Variants in SPTSSA observed in about 807,000 individuals in gnomAD.
SPTSSA encodes serine palmitoyltransferase small subunit A, also known as small subunit of serine palmitoyltransferase A.
In SPTSSA, 8 loss-of-function variants were observed where a neutral mutation model predicts 9.1. The ratio of observed to expected loss-of-function variants is 0.88; its 90% CI spans 0.51 to 1.58. The LOEUF is 1.58. SPTSSA is among the 40% of genes most tolerant of loss of function. SPTSSA has a pLI of 0.00. For missense variants in SPTSSA, 100 were observed against 93.8 expected (o/e 1.07, Z -0.27); for synonymous variants, 42 against 37.7 (o/e 1.11, Z -0.41).
intron 1 of SPTSSA, among the ~76,000 whole-genome samples, chr14:34,443,194 AGG>A (rs796571795): frequency 0.48 from 6,967 of 14,488 alleles, 2,133 homozygotes; most frequent in Non-Finnish European, 0.56. Context: ...GTTTTCCTCT[AGG>A]GGGTGTGTGT....
chr14:34,460,455 C>T (rs1236334794), intron 1 of SPTSSA, among the ~76,000 whole-genome samples: 1 of 152,060 alleles, frequency 6.6e-6, no homozygotes, highest in African/African-American at 2.4e-5. Context: ...TTTATTTCTC[C>T]ATCCCCCAAA....
At chr14:34,453,387 G>C (rs77602214) in intron 1 of SPTSSA, among the ~76,000 whole-genome samples, 2,340 of 152,328 alleles carry the variant, frequency 0.015, 58 homozygotes, top group African/African-American at 0.052. Flanking sequence ...GGCACCTCCA[G>C]GGTAGCACAG....
chr14:34,443,035 G>A lies in SPTSSA; in HGVS notation c.113-7731C>T, dbSNP rs891688252. On this transcript the variant is annotated intron_variant, in intron 1 of 1. Transcript: ENST00000298130. ...GTGTGTGTTTGTGTGTGTGTTTTGA[G>A]ATGGAGTTTTCCTCTCATTACCCAG... Among the ~76,000 whole-genome samples, 10 of 141,986 alleles carry A rather than the reference G, an allele frequency of 7.0e-5. 1 individual carries two copies. In the East Asian group the frequency reaches 1.3e-3, roughly 18 times the overall value. 93.1% of individuals were successfully genotyped at this position (141,986 alleles called of 152,430 possible).
At chr14:34,446,365 CTCTTA>C (rs1883422742) in intron 1 of SPTSSA, among the ~76,000 whole-genome samples, 1 of 152,174 alleles carries the variant, frequency 6.6e-6, no homozygotes, top group South Asian at 2.1e-4. Flanking sequence ...TATCATGAAA[CTCTTA>C]TCTTTGAATA....
intron 1 of SPTSSA, among the ~76,000 whole-genome samples, chr14:34,456,082 G>C (rs2138834265): frequency 6.6e-6 from 1 of 152,220 alleles, no homozygotes; most frequent in African/African-American, 2.4e-5. Context: ...CCAGCACTTT[G>C]GGAGGCGGAG....
intron 1 of SPTSSA, among the ~76,000 whole-genome samples, chr14:34,450,361 G>C (rs532009970): frequency 4.2e-4 from 64 of 152,276 alleles, no homozygotes; most frequent in African/African-American, 1.5e-3. Context: ...GTTTGAAGAG[G>C]ACGTTTCAGT....
intron 1 of SPTSSA, among the ~76,000 whole-genome samples, chr14:34,445,492 C>G (rs763608058): frequency 6.6e-6 from 1 of 152,100 alleles, no homozygotes; most frequent in Non-Finnish European, 1.5e-5. Flanking sequence ...CAGAGCAAGA[C>G]TCTGTCTCAA....
At chr14:34,461,526 T>C (rs1878614786) in intron 1 of SPTSSA, among the ~76,000 whole-genome samples, 1 of 152,162 alleles carries the variant, frequency 6.6e-6, no homozygotes, top group African/African-American at 2.4e-5. Flanking sequence ...AAATACACTT[T>C]TAAAACTCCC....
chr14:34,455,789 G>A (rs550424578), intron 1 of SPTSSA, among the ~76,000 whole-genome samples: 38 of 151,746 alleles, frequency 2.5e-4, no homozygotes, highest in South Asian at 1.3e-3. Context: ...AAAATTACCT[G>A]GGCATGGTGG....
At chr14:34,435,497 GGTTTT>G (rs972069120) in intron 1 of SPTSSA, among the ~76,000 whole-genome samples, 193 bp from the exon 2 acceptor site, 1 of 151,484 alleles carries the variant, frequency 6.6e-6, no homozygotes, top group African/African-American at 2.4e-5. Flanking sequence ...ACTCTAAGCT[GGTTTT>G]GTTTTATTTT....
rs34773522 is a variant in SPTSSA, at chr14:34,444,751, C to CAA, written c.113-9449_113-9448dup. 7.6e-3 allele frequency among the ~76,000 whole-genome samples: 1,029 copies of CAA among 135,524 alleles called. 9 individuals are homozygous for CAA. Among genetic ancestry groups the CAA allele is most frequent in the African/African-American group, 0.024 (933 of 38,246 alleles). 88.9% of individuals were successfully genotyped at this position (135,524 alleles called of 152,430 possible). A position where few individuals can be genotyped will look rare whatever the true frequency, so the allele number is the denominator to read the frequency against. On this transcript the variant is annotated intron_variant, in intron 1 of 1. Transcript: ENST00000298130. Reference sequence around the variant, plus strand: ...TGGGCCACAGGGCAAGACTCTGCCTCAAAAAAAAAAAAAATTGCTAAGAGT... The same window carrying CAA: ...TGGGCCACAGGGCAAGACTCTGCCTCAAAAAAAAAAAAAAAATTGCTAAGAGT...
chr14:34,445,513 A>AAATAC (rs1883405875), intron 1 of SPTSSA, among the ~76,000 whole-genome samples: 1 of 146,506 alleles, frequency 6.8e-6, no homozygotes. Context: ...AAAAATAAAT[A>AAATAC]AATAAAATAA....
At chr14:34,442,983 TGA>T (rs1555314339) in intron 1 of SPTSSA, among the ~76,000 whole-genome samples, 7 of 148,338 alleles carry the variant, frequency 4.7e-5, no homozygotes, top group African/African-American at 1.5e-4. Flanking sequence ...TGTGTGTGTG[TGA>T]GATGGAGTTT....
chr14:34,457,983 A>C (rs1878519504), intron 1 of SPTSSA, among the ~76,000 whole-genome samples: 1 of 149,472 alleles, frequency 6.7e-6, no homozygotes, highest in Admixed American at 6.6e-5. Context: ...AAAAAAAAAA[A>C]AAAAAAACAA....
chr14:34,447,516 TA>T, intron 1 of SPTSSA, among the ~76,000 whole-genome samples: 1 of 152,222 alleles, frequency 6.6e-6, no homozygotes, highest in Middle Eastern at 3.4e-3. Context: ...CATGAGGACT[TA>T]ACCTATAAAT....
At chr14:34,453,757 A>G (rs1883565744) in intron 1 of SPTSSA, among the ~76,000 whole-genome samples, 1 of 152,192 alleles carries the variant, frequency 6.6e-6, no homozygotes. Context: ...TATTTCTCAT[A>G]ACTATTGATC....
chr14:34,436,741 T>C (rs1290625579), intron 1 of SPTSSA, among the ~76,000 whole-genome samples: 3 of 152,182 alleles, frequency 2.0e-5, no homozygotes, highest in African/African-American at 7.2e-5. Context: ...AGTAGCTTGT[T>C]CAGGGCCATA....
At chr14:34,449,214 T>A (rs1475500740) in intron 1 of SPTSSA, among the ~76,000 whole-genome samples, 1 of 150,830 alleles carries the variant, frequency 6.6e-6, no homozygotes, top group African/African-American at 2.4e-5. Flanking sequence ...TGGGCAACAA[T>A]AGTGAAACCC....
intron 1 of SPTSSA, among the ~76,000 whole-genome samples, chr14:34,446,826 T>G (rs1295435660): frequency 6.6e-6 from 1 of 152,212 alleles, no homozygotes; most frequent in African/African-American, 2.4e-5. Context: ...ATAATAGAAT[T>G]GGCTAAACAG....
Sources: allele counts gnomAD v4.1 joint callset (sites outside exome capture counted in the v4.1 genomes callset), GRCh38; gene constraint gnomAD v4.1.1; transcripts MANE v1.5; gene names NCBI Gene and HGNC (gene_info 2026-07-23, HGNC 2026-07-21).